The following NKAIN3 variants were observed in gnomAD, a reference collection of about 807,000 sequenced individuals.
NKAIN3 encodes the protein sodium/potassium transporting ATPase interacting 3.
Under a neutral mutation model 30.2 loss-of-function variants are expected in NKAIN3, and 25 were observed. That is an observed-to-expected ratio of 0.83 (90% CI 0.60 to 1.16). The LOEUF is 1.16. Among genes scored for constraint, NKAIN3 ranks in the 50% most tolerant of loss-of-function variants. The pLI is 0.00. For synonymous variants in NKAIN3, 91 were observed against 89.6 expected, an observed-to-expected ratio of 1.02 and a Z score of -0.09; for missense variants, 225 against 254.1, an observed-to-expected ratio of 0.89 and a Z score of 0.78.
chr8:62,931,097 A>T (rs1283989112), intron 5 of NKAIN3, among the ~76,000 whole-genome samples: 1 of 152,248 alleles, frequency 6.6e-6, no homozygotes, highest in East Asian at 1.9e-4. Flanking sequence ...TTAAACATTT[A>T]ACATGAATTC....
At chr8:62,710,056 C>A (rs1278675187) in intron 3 of NKAIN3, among the ~76,000 whole-genome samples, 1 of 152,042 alleles carries the variant, frequency 6.6e-6, no homozygotes, top group Non-Finnish European at 1.5e-5. Context: ...GAGTTGATTT[C>A]CAGTTTCATT....
At chr8:62,469,359 T>C (rs1338193671) in intron 1 of NKAIN3, among the ~76,000 whole-genome samples, 1 of 152,216 alleles carries the variant, frequency 6.6e-6, no homozygotes, top group African/African-American at 2.4e-5. Context: ...TGTGAGAGCA[T>C]AGGAAAGTTA....
chr8:62,532,734 A>C (rs1020812234), intron 1 of NKAIN3, among the ~76,000 whole-genome samples: 5 of 152,150 alleles, frequency 3.3e-5, no homozygotes, highest in African/African-American at 1.2e-4. Context: ...GAAAAGGCTT[A>C]TTACTGGAAC....
chr8:62,289,012 A>G (rs1455658848), intron 1 of NKAIN3, among the ~76,000 whole-genome samples: 1 of 152,108 alleles, frequency 6.6e-6, no homozygotes. Flanking sequence ...GCATTTTTTT[A>G]TGTATCTGTT....
At position 62,763,250 on chromosome 8, in the gene NKAIN3, A is replaced by C. The variant is rs1160058930; in HGVS notation, c.471+16121A>C. Among the ~76,000 whole-genome samples, 3 of 140,974 alleles carry C rather than the reference A, an allele frequency of 2.1e-5. No homozygotes were observed. In the Admixed American group the frequency reaches 2.1e-4, roughly 10 times the overall value. 92.5% of individuals were successfully genotyped at this position (140,974 alleles called of 152,430 possible). A position where few individuals can be genotyped will look rare whatever the true frequency, so the allele number is the denominator to read the frequency against. ...AAAAAAAAAAAAAAAAAAAAAAAAA[A>C]AAAAAAAAAAACTTATATAGTCAGC... On this transcript the variant is annotated intron_variant, in intron 4 of 6. Transcript: ENST00000623646.
At chr8:62,561,063 T>G (rs7006671) in intron 1 of NKAIN3, among the ~76,000 whole-genome samples, 1 of 152,176 alleles carries the variant, frequency 6.6e-6, no homozygotes, top group African/African-American at 2.4e-5. Context: ...AAGTTTTCTC[T>G]CTTGCTAGGC....
intron 3 of NKAIN3, among the ~76,000 whole-genome samples, chr8:62,598,377 T>TC (rs1810895165): frequency 6.6e-6 from 1 of 151,972 alleles, no homozygotes; most frequent in South Asian, 2.1e-4. Context: ...CCAGAGTGAC[T>TC]CCATGTTGAT....
chr8:62,909,720 A>G lies in NKAIN3; in HGVS notation c.472-8733A>G, dbSNP rs942058080. 3.1e-5 allele frequency among the ~76,000 whole-genome samples: 4 copies of G among 130,354 alleles called. No individual in the cohort carries two copies. The East Asian group carries it at 9.6e-4, about 31-fold the overall frequency. The allele number at this position is 130,354 out of a possible 152,430, so 85.5% of individuals were successfully genotyped here. ...AATAGCAAAAGTAATTTTTGGAGTA[A>G]ATATTTCATGAGTATGCCCATCAAT... On this transcript the variant is annotated intron_variant, in intron 4 of 6. Coordinates refer to ENST00000623646, the MANE Select transcript of NKAIN3 (RefSeq NM_001304533.3).
chr8:62,632,977 A>G (rs1586031115), intron 3 of NKAIN3, among the ~76,000 whole-genome samples: 1 of 152,208 alleles, frequency 6.6e-6, no homozygotes, highest in East Asian at 1.9e-4. Context: ...ATGGAGGCAG[A>G]GTGGCACTTG....
At chr8:62,665,680 C>A (rs1813076686) in intron 3 of NKAIN3, among the ~76,000 whole-genome samples, 1 of 152,104 alleles carries the variant, frequency 6.6e-6, no homozygotes, top group Non-Finnish European at 1.5e-5. Flanking sequence ...ATAGCCTTCC[C>A]AGTATAGGAA....
At chr8:62,458,897 C>G (rs1805901856) in intron 1 of NKAIN3, among the ~76,000 whole-genome samples, 1 of 152,166 alleles carries the variant, frequency 6.6e-6, no homozygotes, top group Non-Finnish European at 1.5e-5. Context: ...CAGGTCAATA[C>G]AAGTAAAATC....
chr8:62,298,423 A>G (rs1813917987), intron 1 of NKAIN3, among the ~76,000 whole-genome samples: 1 of 151,950 alleles, frequency 6.6e-6, no homozygotes, highest in Admixed American at 6.6e-5. Flanking sequence ...CATAATTAAG[A>G]CGGTAGGCCC....
intron 4 of NKAIN3, among the ~76,000 whole-genome samples, chr8:62,867,740 C>G (rs935008868): frequency 3.3e-5 from 5 of 152,282 alleles, no homozygotes; most frequent in Non-Finnish European, 5.9e-5. Flanking sequence ...AATAGCCTAG[C>G]GTTTAACCGA....
chr8:62,488,271 T>A (rs1161181272), intron 1 of NKAIN3, among the ~76,000 whole-genome samples: 1 of 152,184 alleles, frequency 6.6e-6, no homozygotes, highest in Non-Finnish European at 1.5e-5. Flanking sequence ...TCCCAGGCTC[T>A]GCTTTACCTC....
chr8:62,625,704 G>C (rs554081706), intron 3 of NKAIN3, among the ~76,000 whole-genome samples: 1 of 152,030 alleles, frequency 6.6e-6, no homozygotes, highest in Admixed American at 6.6e-5. Flanking sequence ...GATTGAGAAG[G>C]GTACCTAATA....
At chr8:62,283,514 A>G (rs1187360939) in intron 1 of NKAIN3, among the ~76,000 whole-genome samples, 1 of 152,180 alleles carries the variant, frequency 6.6e-6, no homozygotes, top group African/African-American at 2.4e-5. Context: ...CAGTACCTGG[A>G]TTAACCCAAA....
chr8:62,345,496 C>CACATATGT (rs1563942748), intron 1 of NKAIN3, among the ~76,000 whole-genome samples: 1 of 117,522 alleles, frequency 8.5e-6, no homozygotes, highest in African/African-American at 4.0e-5. Flanking sequence ...TATATACACA[C>CACATATGT]ATATATACAC....
intron 1 of NKAIN3, among the ~76,000 whole-genome samples, chr8:62,254,867 G>A (rs1421107739): frequency 6.6e-6 from 1 of 152,112 alleles, no homozygotes; most frequent in African/African-American, 2.4e-5. Context: ...TTAAATTAGC[G>A]TTAACATTAA....
At chr8:62,256,262 TA>T (rs869195917) in intron 1 of NKAIN3, among the ~76,000 whole-genome samples, 6 of 151,116 alleles carry the variant, frequency 4.0e-5, no homozygotes, top group African/African-American at 1.5e-4. Flanking sequence ...AAAAAAAATT[TA>T]AAAAAAAATA....
Sources: allele counts gnomAD v4.1 joint callset (sites outside exome capture counted in the v4.1 genomes callset), GRCh38; gene constraint gnomAD v4.1.1; transcripts MANE v1.5; gene names NCBI Gene and HGNC (gene_info 2026-07-23, HGNC 2026-07-21).